ZIC4: variants seen among roughly 807,000 people sequenced by gnomAD.
ZIC4 encodes the protein Zic family zinc finger 4, also known as zinc finger protein ZIC 4.
In ZIC4, 15 loss-of-function variants were observed where a neutral mutation model predicts 28.8. That is an observed-to-expected ratio of 0.52 (90% CI 0.35 to 0.80). ZIC4 has a LOEUF of 0.80. ZIC4 is among the 30% of genes least tolerant of loss of function. The pLI is 0.01. For missense variants in ZIC4, 512 were observed against 467.1 expected (o/e 1.10, Z -0.89); for synonymous variants, 220 against 198.1 (o/e 1.11, Z -0.93).
At chr3:147,405,437 T>G (rs1559966917) in intron 1 of ZIC4, 2 of 1,537,074 alleles carry the variant, frequency 1.3e-6, no homozygotes, top group Non-Finnish European at 1.7e-6. Context: ...CAAAAGCCCC[T>G]CCGCTTTCCT....
intron 1 of ZIC4, chr3:147,404,327 C>A (rs903888112): frequency 2.3e-6 from 3 of 1,321,736 alleles, no homozygotes; most frequent in African/African-American, 1.5e-5. Flanking sequence ...GACCCATAGA[C>A]ATGCAAACAA....
intron 2 of ZIC4, chr3:147,397,103 C>T (rs1477057525): frequency 4.6e-5 from 7 of 151,810 alleles, no homozygotes; most frequent in Non-Finnish European, 2.9e-5. Flanking sequence ...CTTTCTTTCT[C>T]TTCTTCTTCC....
intron 3 of ZIC4, chr3:147,392,718 C>T (rs1209201092): frequency 6.6e-6 from 1 of 152,438 alleles, no homozygotes; most frequent in Non-Finnish European, 1.5e-5. Context: ...TTCCCGAGCC[C>T]TGTTGAGGCT....
Position 147,395,928 on chromosome 3 carries a change from G to A in ZIC4, c.612C>T (p.Phe204=). The A allele has an allele frequency of 1.9e-6, 3 of 1,614,252 alleles. No homozygotes were observed. The highest frequency in any genetic ancestry group is 2.5e-6 in the Non-Finnish European group (3 of 1,180,054). The stretch of plus-strand genomic sequence containing the variant: ...TCCCACACCCCGGGAAAGGACAAGG[G>A]AAGGGCTTCTCGCCCGTGTGCACGC... The part of the protein sequence containing the change: ...HIRVHTGEKP[F]PCPFPGCGKV... The change falls in exon 3 of 5, where the codon TTC becomes TTT. Residue 204 remains phenylalanine, a synonymous_variant. Transcript: ENST00000383075.
intron 1 of ZIC4, chr3:147,405,567 C>T: frequency 7.6e-7 from 1 of 1,314,042 alleles, no homozygotes; most frequent in South Asian, 1.3e-5. Flanking sequence ...TTTCCAATGC[C>T]CCTGGGTCTA....
At chr3:147,397,603 A>G (rs1405383451) in intron 2 of ZIC4, among the ~76,000 whole-genome samples, 2 of 151,966 alleles carry the variant, frequency 1.3e-5, no homozygotes, top group Non-Finnish European at 2.9e-5. Context: ...TTGGGGAGGC[A>G]GCATTGCGGG....
chr3:147,403,310 T>A (rs2087207061), intron 1 of ZIC4, among the ~76,000 whole-genome samples: 1 of 152,230 alleles, frequency 6.6e-6, no homozygotes, highest in African/African-American at 2.4e-5. Flanking sequence ...TTTCAAATCC[T>A]GTTCTGCCTG....
chr3:147,399,704 C>T (rs1382863939), intron 2 of ZIC4, among the ~76,000 whole-genome samples: 5 of 143,958 alleles, frequency 3.5e-5, no homozygotes, highest in African/African-American at 7.8e-5. Context: ...CTCCCTCTGT[C>T]GCCCAGGCTG....
intron 1 of ZIC4, chr3:147,404,343 G>T: frequency 7.9e-7 from 1 of 1,263,296 alleles, no homozygotes; most frequent in East Asian, 3.3e-5. Flanking sequence ...AACAAATATT[G>T]CAGAGATTGG....
Position 147,391,004 on chromosome 3 carries a change from A to T in ZIC4, c.931T>A (p.Ser311Thr). The T allele has an allele frequency of 1.2e-6, 2 of 1,613,396 alleles. No individual in the cohort carries two copies. Among genetic ancestry groups the T allele is most frequent in the Non-Finnish European group, 1.7e-6 (2 of 1,179,886 alleles). The change falls in exon 4 of 5, where the codon TCG becomes ACG. Residue 311 changes from serine to threonine, a missense_variant. This residue lies in a region of ZIC4 where 144 missense variants were observed against 116.8 expected (regional missense o/e 1.23). Coordinates refer to ENST00000383075, the MANE Select transcript of ZIC4 (RefSeq NM_032153.6). The stretch of plus-strand genomic sequence containing the variant: ...ACCTGGGACTTGTGGCCGCAGTCCG[A>T]CGAGGGCGACACGAGGGCAGACGGT... Reference protein sequence around the residue: ...ATPSALVSPSSDCGHKSQVAS... With the variant: ...ATPSALVSPSTDCGHKSQVAS...
rs759723825 is a variant in ZIC4, at chr3:147,396,520, G to T, written c.71-51C>A. 5 of 1,487,214 alleles carry T rather than the reference G, an allele frequency of 3.4e-6. No homozygotes were observed. The highest frequency in any genetic ancestry group is 2.4e-4 in the Middle Eastern group (1 of 4,228). The allele number at this position is 1,487,214 out of a possible 1,614,324, so 92.1% of individuals were successfully genotyped here. ...TGAGAACGGGTGGCGTGGGCTGCGC[G>T]CTCTTCCCTGGGCCCCGGGGGGCAG... On this transcript the variant is annotated intron_variant, in intron 2 of 4. Transcript: ENST00000383075. The surrounding 1 kb of genome is among the most constrained non-coding windows in gnomAD (Gnocchi z 4.2).
rs1182707830 is a variant in ZIC4 at position 147,405,299 on chromosome 3, G to A, written c.-16+1064C>T. 2.2e-6 allele frequency: 3 copies of A among 1,378,238 alleles called. No individual in the cohort carries two copies. In the East Asian group the frequency reaches 7.6e-5, roughly 35 times the overall value. The allele number at this position is 1,378,238 out of a possible 1,614,324, so 85.4% of individuals were successfully genotyped here. A position where few individuals can be genotyped will look rare whatever the true frequency, so the allele number is the denominator to read the frequency against. ...CCCAACCTGCAGGCGGCTGAGACAG[G>A]AGAAAAAAGAGCAGCATGCAGTGGT... On this transcript the variant is annotated intron_variant, in intron 1 of 4. Transcript: ENST00000383075.
In ZIC4 at chr3:147,391,140, C is replaced by T. The variant is rs772877814; in HGVS notation, c.795G>A (p.Thr265=). Residue 265 remains threonine, a synonymous_variant, in exon 4 of 5, where the codon ACG becomes ACA. Transcript: ENST00000383075. ...ACTTGTCGCAGCCCCGCACCTTGCACGTGTATGGCTTGTCGCTAGTGTGCA... is the reference window on the plus strand; with the variant it reads ...ACTTGTCGCAGCCCCGCACCTTGCATGTGTATGGCTTGTCGCTAGTGTGCA... ...SHVHTSDKPY[T]CKVRGCDKCY... 5 of 1,613,918 alleles carry T rather than the reference C, an allele frequency of 3.1e-6. No individual in the cohort carries two copies. Among genetic ancestry groups the T allele is most frequent in the Non-Finnish European group, 3.4e-6 (4 of 1,179,796 alleles).
At chr3:147,398,649 A>C (rs2107978489) in intron 2 of ZIC4, among the ~76,000 whole-genome samples, 1 of 152,222 alleles carries the variant, frequency 6.6e-6, no homozygotes, top group East Asian at 1.9e-4. Context: ...TGCCAGTCTA[A>C]GTGCTTGGGC....
intron 2 of ZIC4, among the ~76,000 whole-genome samples, chr3:147,397,419 C>G (rs1282375150): frequency 6.6e-6 from 1 of 152,042 alleles, no homozygotes; most frequent in Non-Finnish European, 1.5e-5. Flanking sequence ...CTCCCTCACC[C>G]CACCCCCACA....
Position 147,405,408 on chromosome 3 carries a change from C to A in ZIC4, c.-16+955G>T, listed in dbSNP as rs1177434948. ...AAAGGGAGTTTCCTGAAGACGGTGA[C>A]GGCCGAAGTGCAACCCTCCAAAAGC... On this transcript the variant is annotated intron_variant, in intron 1 of 4. Transcript: ENST00000383075. 5.1e-5 allele frequency: 79 copies of A among 1,536,932 alleles called. 1 individual carries two copies. Among genetic ancestry groups the A allele is most frequent in the Non-Finnish European group, 6.8e-5 (78 of 1,146,860 alleles).
chr3:147,391,032 A>C lies in ZIC4; in HGVS notation c.903T>G (p.Ala301=). The C allele has an allele frequency of 6.2e-7, 1 of 1,613,854 alleles. No individual in the cohort carries two copies. The highest frequency in any genetic ancestry group is 1.1e-5 in the South Asian group (1 of 91,076). The change falls in exon 4 of 5, where the codon GCT becomes GCG. Residue 301 remains alanine, a synonymous_variant. Coordinates refer to ENST00000383075, the MANE Select transcript of ZIC4 (RefSeq NM_032153.6). The part of the protein sequence containing the change: ...SPPPSSGYDS[A]TPSALVSPSS... ...AGGGCGACACGAGGGCAGACGGTGTAGCCGAATCGTAGCCAGAGCTGGGCG... is the reference window on the plus strand; with the variant it reads ...AGGGCGACACGAGGGCAGACGGTGTCGCCGAATCGTAGCCAGAGCTGGGCG...
chr3:147,390,523 T>A (rs992882245), intron 4 of ZIC4, among the ~76,000 whole-genome samples: 3 of 152,182 alleles, frequency 2.0e-5, no homozygotes, highest in African/African-American at 7.2e-5. Flanking sequence ...GGATTGCACA[T>A]AAATTCTCCA....
intron 2 of ZIC4, among the ~76,000 whole-genome samples, chr3:147,399,373 A>G (rs939418056): frequency 2.0e-5 from 3 of 152,118 alleles, no homozygotes; most frequent in Admixed American, 1.3e-4. Context: ...GAATGATGCA[A>G]TTGTCTAGGC....
Sources: gnomAD v4.1 joint callset for allele counts (sites outside exome capture counted in the v4.1 genomes callset) on GRCh38, gnomAD v4.1.1 for gene constraint, gnomAD v4.1.1 regional missense constraint, Gnocchi (gnomAD v3.1) non-coding constraint, MANE v1.5 for transcripts, NCBI Gene and HGNC (gene_info 2026-07-23, HGNC 2026-07-21) for gene names.